The following TRHDE variants were observed in gnomAD, a reference collection of about 807,000 sequenced individuals.
The protein encoded by TRHDE is thyrotropin-releasing hormone-degrading ectoenzyme.
In TRHDE, 72 loss-of-function variants were observed where a neutral mutation model predicts 125.7. The observed-to-expected ratio is 0.57, with a 90% CI of 0.47 to 0.70. The LOEUF (loss-of-function observed/expected upper bound fraction) is 0.70. Ranked by LOEUF, TRHDE falls within the 30% of genes least tolerant of loss-of-function variation. The pLI is 0.00. For missense variants in TRHDE, 1,110 were observed against 1,327.1 expected, an observed-to-expected ratio of 0.84 and a Z score of 2.54; for synonymous variants, 509 against 509.1, an observed-to-expected ratio of 1.00 and a Z score of 0.00.
chr12:72,140,632 A>G (rs560496609), intron 2 of TRHDE, among the ~76,000 whole-genome samples: 13 of 152,336 alleles, frequency 8.5e-5, no homozygotes, highest in African/African-American at 3.1e-4. Flanking sequence ...TTTGAGAAAT[A>G]GTCTTATTTA....
chr12:72,340,533 A>G (rs1870035565), intron 2 of TRHDE, among the ~76,000 whole-genome samples: 1 of 152,154 alleles, frequency 6.6e-6, no homozygotes, highest in Admixed American at 6.5e-5. Flanking sequence ...CTTACATAAA[A>G]GGAGTATAGA....
intron 7 of TRHDE, among the ~76,000 whole-genome samples, chr12:72,559,289 G>A (rs1248739620): frequency 1.3e-5 from 2 of 152,042 alleles, no homozygotes; most frequent in Admixed American, 1.3e-4. Context: ...TCAATTCTCA[G>A]AAAAAATATA....
intron 2 of TRHDE, among the ~76,000 whole-genome samples, chr12:72,318,964 A>C (rs1003459432): frequency 3.9e-5 from 6 of 152,118 alleles, no homozygotes; most frequent in Admixed American, 1.3e-4. Context: ...TTCTCTCCCG[A>C]ATCGACATAG....
At chr12:72,480,252 T>G (rs1877106105) in intron 5 of TRHDE, among the ~76,000 whole-genome samples, 1 of 150,756 alleles carries the variant, frequency 6.6e-6, no homozygotes, top group African/African-American at 2.5e-5. Flanking sequence ...ACTTCCACAA[T>G]GGTTGAACTA....
At position 72,120,303 on chromosome 12, in the gene TRHDE, G is replaced by C. The variant is rs181746822; in HGVS notation, n.279+14551G>C. ...TGACCTCATGGTCTGCCTGACTCGG[G>C]CTTCCAAAGTGCTGGGATTACAGGT... On this transcript the variant is annotated intron_variant and non_coding_transcript_variant, in intron 2 of 4. Transcript: ENST00000548156. 1.4e-3 allele frequency among the ~76,000 whole-genome samples: 209 copies of C among 151,934 alleles called. 1 individual carries two copies. The highest frequency in any genetic ancestry group is 4.6e-3 in the African/African-American group (191 of 41,450).
chr12:72,414,886 G>GA (rs1040657164), intron 3 of TRHDE, among the ~76,000 whole-genome samples: 1 of 151,976 alleles, frequency 6.6e-6, no homozygotes, highest in South Asian at 2.1e-4. Flanking sequence ...TATTTTTAAT[G>GA]AAAAAACTGC....
At chr12:72,123,561 C>T (rs917549409) in intron 2 of TRHDE, among the ~76,000 whole-genome samples, 8 of 151,932 alleles carry the variant, frequency 5.3e-5, no homozygotes, top group Non-Finnish European at 1.2e-4. Context: ...ATCATAATGT[C>T]TTCTCATCCT....
chr12:72,556,410 G>A (rs1170847257), intron 7 of TRHDE, among the ~76,000 whole-genome samples: 3 of 152,206 alleles, frequency 2.0e-5, no homozygotes, highest in African/African-American at 7.2e-5. Context: ...AGTAGACTCA[G>A]AAATCAAGAG....
At chr12:72,108,140 A>T (rs575327805) in intron 2 of TRHDE, among the ~76,000 whole-genome samples, 13 of 152,276 alleles carry the variant, frequency 8.5e-5, no homozygotes, top group African/African-American at 3.1e-4. Context: ...TCACACCAAT[A>T]AGTGAGAAAA....
intron 2 of TRHDE, among the ~76,000 whole-genome samples, chr12:72,358,578 G>A (rs943166505): frequency 5.3e-5 from 8 of 151,406 alleles, no homozygotes; most frequent in South Asian, 2.1e-4. Flanking sequence ...TTTCTATTGC[G>A]TGGGGTCAGC....
intron 6 of TRHDE, among the ~76,000 whole-genome samples, chr12:72,500,906 A>C (rs1878127999): frequency 6.9e-6 from 1 of 144,090 alleles, no homozygotes; most frequent in Non-Finnish European, 1.5e-5. Flanking sequence ...TGAGTTTAAG[A>C]ATGAGTTTGT....
chr12:72,099,678 T>G (rs1875022566), intron 1 of TRHDE, among the ~76,000 whole-genome samples: 1 of 152,206 alleles, frequency 6.6e-6, no homozygotes, highest in Admixed American at 6.5e-5. Flanking sequence ...AGACTCAGAC[T>G]CTGTTTTTTA....
At chr12:72,442,338 T>C (rs1367518698) in intron 3 of TRHDE, among the ~76,000 whole-genome samples, 1 of 151,984 alleles carries the variant, frequency 6.6e-6, no homozygotes, top group East Asian at 1.9e-4. Flanking sequence ...GTCTCACTTA[T>C]CTACATGGCT....
chr12:72,544,353 G>A (rs745684101), intron 7 of TRHDE, among the ~76,000 whole-genome samples: 1 of 151,356 alleles, frequency 6.6e-6, no homozygotes, highest in African/African-American at 2.4e-5. Flanking sequence ...AAGGCCCTGG[G>A]GAGTCTTGGT....
intron 2 of TRHDE, among the ~76,000 whole-genome samples, chr12:72,211,189 T>C (rs1877773635): frequency 6.6e-6 from 1 of 152,226 alleles, no homozygotes; most frequent in African/African-American, 2.4e-5. Context: ...GGTTCCACAC[T>C]AGGAGTGGCA....
At chr12:72,637,781 C>A (rs370734973) in intron 15 of TRHDE, among the ~76,000 whole-genome samples, 1 of 152,022 alleles carries the variant, frequency 6.6e-6, no homozygotes, top group African/African-American at 2.4e-5. Flanking sequence ...CATTCAGGAG[C>A]AGGTTGTTCA....
At chr12:72,105,479 T>C (rs1226208255) in intron 1 of TRHDE, among the ~76,000 whole-genome samples, 1 of 152,120 alleles carries the variant, frequency 6.6e-6, no homozygotes, top group African/African-American at 2.4e-5. Flanking sequence ...CAGCTGTGAA[T>C]GCCAAGCATG....
intron 15 of TRHDE, among the ~76,000 whole-genome samples, chr12:72,642,388 C>T (rs544270122): frequency 6.6e-6 from 1 of 152,234 alleles, no homozygotes; most frequent in African/African-American, 2.4e-5. Context: ...ATACACTGAA[C>T]TTCTATGCTT....
chr12:72,636,316 T>G lies in TRHDE; in HGVS notation c.2675+14565T>G, dbSNP rs563780160. Reference sequence around the variant, plus strand: ...TTGGCTCTCTGTTTGTCTGTTGTTGTTGTATAAGAATGCTTGTGATTTTTG... The same window carrying G: ...TTGGCTCTCTGTTTGTCTGTTGTTGGTGTATAAGAATGCTTGTGATTTTTG... On this transcript the variant is annotated intron_variant, in intron 15 of 18. Coordinates refer to ENST00000261180, the MANE Select transcript of TRHDE (RefSeq NM_013381.3). Among the ~76,000 whole-genome samples the G allele has an allele frequency of 4.2e-3, 617 of 147,754 alleles. 2 individuals carry two copies. Among genetic ancestry groups the G allele is most frequent in the Non-Finnish European group, 6.6e-3 (432 of 65,024 alleles).
Sources: allele counts gnomAD v4.1 joint callset (sites outside exome capture counted in the v4.1 genomes callset), GRCh38; gene constraint gnomAD v4.1.1; transcripts MANE v1.5; gene names NCBI Gene and HGNC (gene_info 2026-07-23, HGNC 2026-07-21).